The following SDK1 variants were observed in gnomAD, a reference collection of about 807,000 sequenced individuals.
SDK1 encodes sidekick cell adhesion molecule 1.
Under a neutral mutation model 245.5 loss-of-function variants are expected in SDK1, and 157 were observed. The ratio of observed to expected loss-of-function variants is 0.64; its 90% CI spans 0.56 to 0.73. The LOEUF is 0.73. Ranked by LOEUF, SDK1 falls within the 30% of genes least tolerant of loss-of-function variation. SDK1 has a pLI of 0.00. For synonymous variants in SDK1, 1,647 were observed against 1,278.5 expected (o/e 1.29, Z -6.15); for missense variants, 3,583 against 3,002.3 (o/e 1.19, Z -4.52).
chr7:4,187,620 A>G lies in SDK1; in HGVS notation c.5098+9034A>G, dbSNP rs554077883. 1.2e-4 allele frequency among the ~76,000 whole-genome samples: 18 copies of G among 152,330 alleles called. No homozygotes were observed. In the East Asian group the frequency reaches 3.3e-3, roughly 28 times the overall value. ...TTAAATGCCTGCAGAGCTCATGGCT[A>G]TTTTTTGCATGGGGGTCTGTTACAA... is the stretch of plus-strand genomic sequence containing the variant. On this transcript the variant is annotated intron_variant, in intron 35 of 44. Transcript: ENST00000404826.
intron 24 of SDK1, 68 bp from the exon 25 acceptor site, chr7:4,113,969 T>A: frequency 7.4e-7 from 1 of 1,349,308 alleles, no homozygotes; most frequent in South Asian, 1.2e-5. Flanking sequence ...GGCAGGCCCA[T>A]CCCTTACAAC....
chr7:3,532,130 A>ATTTTTACTCAAATTT (rs1562544097), intron 1 of SDK1, among the ~76,000 whole-genome samples: 1 of 151,956 alleles, frequency 6.6e-6, no homozygotes, highest in Non-Finnish European at 1.5e-5. Flanking sequence ...CAATCAGAGG[A>ATTTTTACTCAAATTT]TACTCAATAA....
intron 1 of SDK1, among the ~76,000 whole-genome samples, chr7:3,505,334 A>G (rs1423583755): frequency 6.6e-6 from 1 of 152,044 alleles, no homozygotes; most frequent in Non-Finnish European, 1.5e-5. Flanking sequence ...GCAGCCTCAA[A>G]CCCCTTGGCT....
At chr7:4,036,346 G>A (rs1469577025) in intron 17 of SDK1, among the ~76,000 whole-genome samples, 1 of 152,152 alleles carries the variant, frequency 6.6e-6, no homozygotes, top group East Asian at 1.9e-4. Flanking sequence ...TTGTGATCGT[G>A]TAAATGGATT....
intron 40 of SDK1, chr7:4,227,536 T>G (rs1785514597): frequency 2.2e-6 from 1 of 450,056 alleles, no homozygotes; most frequent in Non-Finnish European, 4.6e-6. Flanking sequence ...ATGGCAGTAT[T>G]TAAGAAATAA....
In SDK1 at chr7:3,956,866, A is replaced by G. The variant is rs568730359; in HGVS notation, c.1151-2065A>G. 1.6e-3 allele frequency among the ~76,000 whole-genome samples: 241 copies of G among 152,234 alleles called. 1 individual carries two copies. Among genetic ancestry groups the G allele is most frequent in the African/African-American group, 5.4e-3 (226 of 41,538 alleles). On this transcript the variant is annotated intron_variant, in intron 7 of 44. Transcript: ENST00000404826. ...AAGCCAGCTTCGGGTCACTGTGTGG[A>G]GTGCCCGTCTCCCTGACCCCAGCGA...
At chr7:3,519,801 C>G (rs1019955037) in intron 1 of SDK1, among the ~76,000 whole-genome samples, 1 of 152,058 alleles carries the variant, frequency 6.6e-6, no homozygotes, top group Non-Finnish European at 1.5e-5. Flanking sequence ...ATAAAAACGG[C>G]AAGTCTAGCC....
intron 1 of SDK1, among the ~76,000 whole-genome samples, chr7:3,612,389 C>G (rs1781621176): frequency 6.6e-6 from 1 of 152,064 alleles, no homozygotes; most frequent in Non-Finnish European, 1.5e-5. Flanking sequence ...TAATTGTTGT[C>G]CTTAAAAAGA....
intron 1 of SDK1, among the ~76,000 whole-genome samples, chr7:3,437,971 A>C (rs1780077915): frequency 6.6e-6 from 1 of 151,926 alleles, no homozygotes; most frequent in Admixed American, 6.6e-5. Context: ...TTTCTTTTAC[A>C]CTCTCTCATT....
chr7:3,821,551 A>C lies in SDK1; in HGVS notation c.815A>C (p.Lys272Thr). The part of the protein sequence containing the change: ...QAVNEKNGEN[K>T]TSPFIHLSIA... ...GTGAATGAGAAAAATGGAGAAAACA[A>C]GACAAGCCCATTCATTCATTTGAGC... is the stretch of plus-strand genomic sequence containing the variant. The change falls in exon 5 of 45, where the codon AAG (lysine) becomes ACG (threonine). Residue 272 changes from lysine (K) to threonine (T), a missense_variant. Physicochemically the swap from Lys to Thr is moderately conservative, Grantham distance 78 (BLOSUM62 -1). Coordinates refer to ENST00000404826, the MANE Select transcript of SDK1 (RefSeq NM_152744.4). 1 of 1,614,002 alleles carries C rather than the reference A, an allele frequency of 6.2e-7. No individual in the cohort carries two copies. Among genetic ancestry groups the C allele is most frequent in the South Asian group, 1.1e-5 (1 of 91,026 alleles).
chr7:4,267,116 G>C lies in SDK1; in HGVS notation c.*1732G>C. On this transcript the variant is annotated 3_prime_UTR_variant, in exon 45 of 45. Coordinates refer to ENST00000404826, the MANE Select transcript of SDK1 (RefSeq NM_152744.4). ...ACCAAGGAGAGTTTTGTATAGGCTG[G>C]AAAACCCCTTTTCAGTCTTTCCAAA... 1.0e-6 allele frequency: 1 copy of C among 985,374 alleles called. No individual in the cohort carries two copies. The highest frequency in any genetic ancestry group is 4.7e-5 in the South Asian group (1 of 21,278). The allele number at this position is 985,374 out of a possible 1,614,324, so 61.0% of individuals were successfully genotyped here. A position where few individuals can be genotyped will look rare whatever the true frequency, so the allele number is the denominator to read the frequency against.
chr7:3,823,466 A>G (rs1281960971), intron 5 of SDK1, among the ~76,000 whole-genome samples: 8 of 152,226 alleles, frequency 5.3e-5, no homozygotes, highest in Non-Finnish European at 1.0e-4. Context: ...CGTACCTAGT[A>G]CTTGCCTACC....
chr7:3,920,226 C>T (rs1199811268), intron 5 of SDK1, among the ~76,000 whole-genome samples: 10 of 152,050 alleles, frequency 6.6e-5, no homozygotes, highest in Non-Finnish European at 1.0e-4. Context: ...TGCTGTGGGT[C>T]GGGGTGATTC....
At chr7:3,927,715 C>G (rs1202441272) in intron 5 of SDK1, among the ~76,000 whole-genome samples, 1 of 152,226 alleles carries the variant, frequency 6.6e-6, no homozygotes, top group Non-Finnish European at 1.5e-5. Flanking sequence ...ACTTTGGCCA[C>G]TTTGGAGTAT....
intron 1 of SDK1, among the ~76,000 whole-genome samples, chr7:3,343,585 G>A (rs759418164): frequency 4.5e-4 from 68 of 152,248 alleles, no homozygotes; most frequent in Middle Eastern, 3.4e-3. Flanking sequence ...TGGCTGTATC[G>A]ATGTCAATAA....
At chr7:3,759,702 C>T (rs1312793479) in intron 4 of SDK1, among the ~76,000 whole-genome samples, 3 of 152,032 alleles carry the variant, frequency 2.0e-5, no homozygotes, top group Non-Finnish European at 4.4e-5. Context: ...GGCGATTCTT[C>T]TGCCTCAGCC....
At chr7:3,733,598 G>T (rs1385208495) in intron 4 of SDK1, among the ~76,000 whole-genome samples, 1 of 152,090 alleles carries the variant, frequency 6.6e-6, no homozygotes, top group Non-Finnish European at 1.5e-5. Context: ...TTTACCTCTA[G>T]CCCGCGAGTT....
At chr7:4,196,555 C>G (rs1485946835) in intron 35 of SDK1, among the ~76,000 whole-genome samples, 1 of 152,226 alleles carries the variant, frequency 6.6e-6, no homozygotes, top group Non-Finnish European at 1.5e-5. Context: ...CGCCGTAACT[C>G]TCCTCTCCAC....
At chr7:3,837,212 C>T (rs1267948098) in intron 5 of SDK1, among the ~76,000 whole-genome samples, 1 of 152,180 alleles carries the variant, frequency 6.6e-6, no homozygotes, top group African/African-American at 2.4e-5. Flanking sequence ...TCCTAAAGTA[C>T]AGTATTTCTC....
Sources: gnomAD v4.1 joint callset for allele counts (sites outside exome capture counted in the v4.1 genomes callset) on GRCh38, gnomAD v4.1.1 for gene constraint, MANE v1.5 for transcripts, NCBI Gene and HGNC (gene_info 2026-07-23, HGNC 2026-07-21) for gene names.